The following BBS9 variants were observed in gnomAD, a reference collection of about 807,000 sequenced individuals.
BBS9 encodes the protein Bardet-Biedl syndrome 9.
In BBS9, 89 loss-of-function variants were observed where a neutral mutation model predicts 117.7. The observed-to-expected ratio is 0.76, with a 90% confidence interval of 0.64 to 0.90. BBS9 has a LOEUF of 0.90. Ranked by LOEUF, BBS9 falls within the 40% of genes least tolerant of loss-of-function variation. The pLI is 0.00. For missense variants in BBS9, 982 were observed against 1,042.2 expected (o/e 0.94, Z 0.80); for synonymous variants, 379 against 370.9 (o/e 1.02, Z -0.25).
chr7:33,198,804 T>C lies in BBS9; in HGVS notation c.442+21213T>C, dbSNP rs114495006. 2.1e-3 allele frequency among the ~76,000 whole-genome samples: 318 copies of C among 152,106 alleles called. 1 individual carries two copies. The highest frequency in any genetic ancestry group is 7.3e-3 in the African/African-American group (302 of 41,568). On this transcript the variant is annotated intron_variant, in intron 5 of 22. Coordinates refer to ENST00000242067, the MANE Select transcript of BBS9 (RefSeq NM_198428.3). ...TTGGAAGAATGAATTTTATTAGGTG[T>C]TAGACAAAGAAATTATCAACTGACT...
At chr7:33,585,517 T>C (rs1860735910) in intron 21 of BBS9, among the ~76,000 whole-genome samples, 1 of 152,108 alleles carries the variant, frequency 6.6e-6, no homozygotes, top group Non-Finnish European at 1.5e-5. Flanking sequence ...TATGTGACTT[T>C]GAGCAAGTCA....
intron 21 of BBS9, among the ~76,000 whole-genome samples, chr7:33,590,286 G>A (rs1487526561): frequency 6.6e-6 from 1 of 152,030 alleles, no homozygotes; most frequent in African/African-American, 2.4e-5. Context: ...GCTGCTAAGA[G>A]GAGCAAAGAA....
intron 7 of BBS9, among the ~76,000 whole-genome samples, chr7:33,267,035 G>A (rs1488806947): frequency 6.6e-6 from 1 of 152,066 alleles, no homozygotes; most frequent in Non-Finnish European, 1.5e-5. Flanking sequence ...GAGCCACCAC[G>A]CCTGGCATAT....
At chr7:33,267,660 A>G (rs1021617482) in intron 7 of BBS9, among the ~76,000 whole-genome samples, 1 of 151,864 alleles carries the variant, frequency 6.6e-6, no homozygotes, top group African/African-American at 2.4e-5. Context: ...TCTTTGTGCT[A>G]TTGTCCTGTA....
chr7:33,145,800 A>G (rs1792246546), intron 1 of BBS9, among the ~76,000 whole-genome samples: 1 of 152,158 alleles, frequency 6.6e-6, no homozygotes, highest in African/African-American at 2.4e-5. Context: ...GGGATTTTTC[A>G]TCTGTGGGGT....
intron 5 of BBS9, among the ~76,000 whole-genome samples, chr7:33,210,191 T>G (rs1281479607): frequency 1.3e-5 from 2 of 151,504 alleles, no homozygotes; most frequent in Non-Finnish European, 3.0e-5. Context: ...TCCATGTATT[T>G]GTATAGTTTC....
At chr7:33,252,005 C>T (rs1279006432) in intron 5 of BBS9, among the ~76,000 whole-genome samples, 1 of 152,114 alleles carries the variant, frequency 6.6e-6, no homozygotes, top group African/African-American at 2.4e-5. Flanking sequence ...GCAGGCTGTA[C>T]AGGAAGCATG....
chr7:33,478,193 A>G (rs974719010), intron 19 of BBS9, among the ~76,000 whole-genome samples: 21 of 152,160 alleles, frequency 1.4e-4, no homozygotes, highest in African/African-American at 4.8e-5. Flanking sequence ...TTTGAGGTCA[A>G]AGACTCCAGT....
intron 4 of BBS9, among the ~76,000 whole-genome samples, chr7:33,175,147 T>C (rs1397707621): frequency 2.0e-5 from 3 of 151,886 alleles, no homozygotes; most frequent in Non-Finnish European, 4.4e-5. Flanking sequence ...GTACTAAAAA[T>C]ACAAAAATTA....
intron 19 of BBS9, among the ~76,000 whole-genome samples, chr7:33,502,727 A>G (rs2129012482): frequency 6.6e-6 from 1 of 152,234 alleles, no homozygotes; most frequent in African/African-American, 2.4e-5. Flanking sequence ...AGCTAGTAGT[A>G]GTATGCCCAT....
intron 21 of BBS9, among the ~76,000 whole-genome samples, chr7:33,546,131 C>T (rs1478440895): frequency 1.3e-5 from 2 of 151,878 alleles, no homozygotes; most frequent in East Asian, 3.9e-4. Flanking sequence ...GACAGGGTTT[C>T]ACTATGTTAG....
intron 1 of BBS9, among the ~76,000 whole-genome samples, chr7:33,132,591 A>G (rs1294243155): frequency 6.6e-6 from 1 of 152,208 alleles, no homozygotes; most frequent in African/African-American, 2.4e-5. Flanking sequence ...AAAACATTGT[A>G]TACATATTTT....
rs1381976521 is a variant in BBS9, at chr7:33,569,612, A to T, written c.2522-35253A>T. Reference sequence around the variant, plus strand: ...CTTAAAAAAAAAAAAAATACAAAAAATTAGCTGGGAAGGGTGGCTGGCGCC... The same window carrying T: ...CTTAAAAAAAAAAAAAATACAAAAATTTAGCTGGGAAGGGTGGCTGGCGCC... On this transcript the variant is annotated intron_variant, in intron 21 of 22. Transcript: ENST00000242067. Among the ~76,000 whole-genome samples, 2 of 151,756 alleles carry T rather than the reference A, an allele frequency of 1.3e-5. 1 individual carries two copies. Among genetic ancestry groups the T allele is most frequent in the Non-Finnish European group, 2.9e-5 (2 of 67,924 alleles).
At chr7:33,589,347 ACAGAGTG>A (rs1861486809) in intron 21 of BBS9, among the ~76,000 whole-genome samples, 1 of 152,086 alleles carries the variant, frequency 6.6e-6, no homozygotes, top group Non-Finnish European at 1.5e-5. Flanking sequence ...ACTACCCAAA[ACAGAGTG>A]CAATTTAAAA....
At chr7:33,319,843 A>G (rs1167355678) in intron 9 of BBS9, among the ~76,000 whole-genome samples, 2 of 152,366 alleles carry the variant, frequency 1.3e-5, no homozygotes, top group East Asian at 3.9e-4. Flanking sequence ...ATTTACAAGG[A>G]ACTCAAACAA....
At position 33,599,244 on chromosome 7, in the gene BBS9, C is replaced by A. The variant is rs141849914; in HGVS notation, c.2522-5621C>A. 2.6e-3 allele frequency among the ~76,000 whole-genome samples: 391 copies of A among 152,222 alleles called. 3 individuals carry two copies. Among genetic ancestry groups the A allele is most frequent in the African/African-American group, 8.8e-3 (366 of 41,550 alleles). On this transcript the variant is annotated intron_variant, in intron 21 of 22. Coordinates refer to ENST00000242067, the MANE Select transcript of BBS9 (RefSeq NM_198428.3). Reference sequence around the variant, plus strand: ...TTGAGTAAAATAGATTAGCCAACTCCCTAGGTGGCCATCTGGTTAAGGTTT... The same window carrying A: ...TTGAGTAAAATAGATTAGCCAACTCACTAGGTGGCCATCTGGTTAAGGTTT...
intron 6 of BBS9, 75 bp from the exon 7 acceptor site, chr7:33,264,215 A>T: frequency 1.3e-6 from 1 of 750,444 alleles, no homozygotes; most frequent in Non-Finnish European, 2.0e-6. Flanking sequence ...ATTATTGTGT[A>T]CTTTTAAAGT....
chr7:33,344,721 T>C (rs1451035053), intron 12 of BBS9, 87 bp downstream of exon 12: 7 of 1,339,276 alleles, frequency 5.2e-6, no homozygotes, highest in Non-Finnish European at 7.5e-6. Context: ...GTAAGTAGCT[T>C]ACAGAAATGT....
chr7:33,482,011 G>C (rs968622672), intron 19 of BBS9, among the ~76,000 whole-genome samples: 2 of 152,178 alleles, frequency 1.3e-5, no homozygotes, highest in Non-Finnish European at 2.9e-5. Context: ...AACACATATA[G>C]CAGCAACTGG....
Sources: allele counts gnomAD v4.1 joint callset (sites outside exome capture counted in the v4.1 genomes callset), GRCh38; gene constraint gnomAD v4.1.1; transcripts MANE v1.5; gene names NCBI Gene and HGNC (gene_info 2026-07-23, HGNC 2026-07-21).